Variants in SH3D19 observed in about 807,000 individuals in gnomAD.
SH3D19 encodes SH3 domain containing 19.
SH3D19 carries 58 observed loss-of-function variants against 112.1 expected under a neutral mutation model. The ratio of observed to expected loss-of-function variants is 0.52; its 90% CI spans 0.42 to 0.64. The LOEUF is 0.64. Among genes scored for constraint, SH3D19 ranks in the 30% least tolerant of loss-of-function variants. SH3D19 has a pLI of 0.00. For synonymous variants in SH3D19, 391 were observed against 448.5 expected, an observed-to-expected ratio of 0.87 and a Z score of 1.62; for missense variants, 1,090 against 1,263.4, an observed-to-expected ratio of 0.86 and a Z score of 2.08.
At chr4:151,135,662 C>G (rs1751682272) in intron 14 of SH3D19, among the ~76,000 whole-genome samples, 1 of 152,046 alleles carries the variant, frequency 6.6e-6, no homozygotes, top group Admixed American at 6.6e-5. Flanking sequence ...CTCTTGGACT[C>G]AAGCAATCTG....
At chr4:151,164,793 T>C (rs959199575) in intron 8 of SH3D19, among the ~76,000 whole-genome samples, 1 of 152,172 alleles carries the variant, frequency 6.6e-6, no homozygotes, top group African/African-American at 2.4e-5. Context: ...TTGGCCAGGA[T>C]AGTCCTGATC....
intron 2 of SH3D19, among the ~76,000 whole-genome samples, chr4:151,210,707 TA>T (rs1163349910): frequency 1.3e-5 from 2 of 152,104 alleles, no homozygotes; most frequent in Non-Finnish European, 2.9e-5. Flanking sequence ...GGCCCCCCAG[TA>T]TTTTTTTTAA....
At chr4:151,132,522 A>T in intron 16 of SH3D19, 139 bp from the exon 17 acceptor site, 1 of 691,536 alleles carries the variant, frequency 1.4e-6, no homozygotes, top group Non-Finnish European at 2.5e-6. Context: ...TGTATTGTCT[A>T]TGTTGCGTTA....
intron 1 of SH3D19, among the ~76,000 whole-genome samples, chr4:151,299,790 CTGAGT>C (rs759739268): frequency 1.3e-4 from 20 of 152,200 alleles, no homozygotes; most frequent in African/African-American, 2.9e-4. Context: ...CCAGAGGCTG[CTGAGT>C]TAAGTGTCAT....
intron 14 of SH3D19, among the ~76,000 whole-genome samples, chr4:151,135,946 G>C (rs185478422): frequency 6.6e-6 from 1 of 152,158 alleles, no homozygotes; most frequent in East Asian, 1.9e-4. Context: ...TCAGGAGTTC[G>C]AGACTAGTCC....
rs56850648 is a variant in SH3D19, at chr4:151,286,184, G to GAAAAAAAAAAAA, written c.112+39045_112+39056dup. Among the ~76,000 whole-genome samples, 10 of 86,614 alleles carry GAAAAAAAAAAAA rather than the reference G, an allele frequency of 1.2e-4. 1 individual carries two copies. Among genetic ancestry groups the GAAAAAAAAAAAA allele is most frequent in the Admixed American group, 5.3e-4 (3 of 5,638 alleles). The allele number at this position is 86,614 out of a possible 152,430, so 56.8% of individuals were successfully genotyped here. A position where few individuals can be genotyped will look rare whatever the true frequency, so the allele number is the denominator to read the frequency against. ...TGACACAGTGAGACCCTGTCTTAAA[G>GAAAAAAAAAAAA]AAAAAAAAAAAAAAAAAAAACAACT... On this transcript the variant is annotated intron_variant, in intron 1 of 19. Transcript: ENST00000604030.
At position 151,147,935 on chromosome 4, in the gene SH3D19, T is replaced by C. The variant is rs1173064091; in HGVS notation, c.2069A>G (p.Tyr690Cys). ...AGCTAAATTTACCATGTATTTACTGTAGAGAGGGTGTCCTGGTTTGGGACG... is the reference window on the plus strand; with the variant it reads ...AGCTAAATTTACCATGTATTTACTGCAGAGAGGGTGTCCTGGTTTGGGACG... Reference protein sequence around the residue: ...PPRPKPGHPLYSKYMRGDVLV... With the variant: ...PPRPKPGHPLCSKYMRGDVLV... The change falls in exon 11 of 20, where the codon TAC becomes TGC. Residue 690 changes from tyrosine (Y) to cysteine (C), a missense_variant. Physicochemically the swap from Tyr to Cys is radical, Grantham distance 194 (BLOSUM62 -2). Coordinates refer to ENST00000604030, the MANE Select transcript of SH3D19 (RefSeq NM_001378122.1). 2 of 1,611,274 alleles carry C rather than the reference T, an allele frequency of 1.2e-6. No homozygotes were observed. The highest frequency in any genetic ancestry group is 1.7e-6 in the Non-Finnish European group (2 of 1,178,992).
At position 151,133,030 on chromosome 4, in the gene SH3D19, T is replaced by C. The variant is rs1751058846; in HGVS notation, c.2689+4A>G. On this transcript the variant is annotated splice_donor_region_variant and intron_variant, in intron 16 of 19. Transcript: ENST00000604030. ...ACATAATAAAAAAAATTCTCTATACTCACTTAAAACATTTGCACCAGAGGT... is the reference window on the plus strand; with the variant it reads ...ACATAATAAAAAAAATTCTCTATACCCACTTAAAACATTTGCACCAGAGGT... 1 of 1,612,426 alleles carries C rather than the reference T, an allele frequency of 6.2e-7. No homozygotes were observed. The highest frequency in any genetic ancestry group is 8.5e-7 in the Non-Finnish European group (1 of 1,179,238).
rs917211043 is a variant in SH3D19, at chr4:151,325,333, C to T, written c.20G>A (p.Arg7Gln). The stretch of plus-strand genomic sequence containing the variant: ...GCGTAGCTCTTCCTCCTCGTCCTCC[C>T]GCCGCCGGCCCTCAGCCATGGGCGA... MAEGRR[R>Q]EDEEEELRER... is the part of the protein sequence containing the mutation. The change falls in exon 1 of 20, where the codon CGG becomes CAG. Residue 7 changes from arginine to glutamine, a missense_variant. Arg to Gln is a conservative substitution (Grantham distance 43). Transcript: ENST00000604030. 59 of 1,215,508 alleles carry T rather than the reference C, an allele frequency of 4.9e-5. No homozygotes were observed. Among genetic ancestry groups the T allele is most frequent in the Non-Finnish European group, 5.9e-5 (58 of 977,438 alleles). 75.3% of individuals were successfully genotyped at this position (1,215,508 alleles called of 1,614,324 possible). A position where few individuals can be genotyped will look rare whatever the true frequency, so the allele number is the denominator to read the frequency against.
intron 13 of SH3D19, among the ~76,000 whole-genome samples, chr4:151,138,155 G>A (rs1222776670): frequency 2.0e-5 from 3 of 152,002 alleles, no homozygotes; most frequent in Admixed American, 6.6e-5. Flanking sequence ...ATATAAAGCC[G>A]TGCTGAATAC....
chr4:151,283,597 A>C (rs369776298), intron 1 of SH3D19, among the ~76,000 whole-genome samples: 1 of 149,334 alleles, frequency 6.7e-6, no homozygotes, highest in South Asian at 2.1e-4. Context: ...AGCTTACTAC[A>C]GCCTCCAGCT....
At chr4:151,225,915 A>T (rs2149948397) in intron 2 of SH3D19, 132 bp downstream of exon 2, 1 of 515,360 alleles carries the variant, frequency 1.9e-6, no homozygotes, top group Middle Eastern at 5.5e-4. Flanking sequence ...GATTTCCCTT[A>T]TGAAGCTTCT....
intron 1 of SH3D19, among the ~76,000 whole-genome samples, chr4:151,299,710 A>G (rs1728163392): frequency 6.6e-6 from 1 of 152,094 alleles, no homozygotes. Context: ...GAGGGCTAAT[A>G]TGAAAGACCT....
chr4:151,127,653 A>G lies in SH3D19; in HGVS notation c.2992T>C (p.Phe998Leu). Residue 998 changes from phenylalanine (F) to leucine (L), a missense_variant, in exon 19 of 20, where the codon TTC becomes CTC. Phe to Leu is a conservative substitution (Grantham distance 22). Transcript: ENST00000604030. ...KGRKAKALYD[F>L]RGENEDELSF... ...AGTTCATCTTCATTCTCCCCTCGGA[A>G]ATCATATAAGGCTTTGGCCTTCCTC... 6.2e-7 allele frequency: 1 copy of G among 1,606,880 alleles called. No individual in the cohort carries two copies. The highest frequency in any genetic ancestry group is 8.5e-7 in the Non-Finnish European group (1 of 1,177,556).
chr4:151,175,578 G>T lies in SH3D19; in HGVS notation c.626C>A (p.Ser209Tyr). ...GTTTTCTGGACAATTCGGTTCTTCA[G>T]AAATATCAAAGACGATTAAAGGTGC... ...NVAPLIVFDI[S>Y]EEPNCPENPS... Residue 209 changes from serine to tyrosine, a missense_variant, in exon 7 of 20, where the codon TCT becomes TAT. By Grantham distance (144) the Ser-to-Tyr change is moderately radical. Transcript: ENST00000604030. The T allele has an allele frequency of 7.4e-7, 1 of 1,343,904 alleles. No homozygotes were observed. 83.2% of individuals were successfully genotyped at this position (1,343,904 alleles called of 1,614,324 possible).
intron 1 of SH3D19, among the ~76,000 whole-genome samples, chr4:151,260,667 A>C (rs1772308057): frequency 6.6e-6 from 1 of 152,158 alleles, no homozygotes; most frequent in Non-Finnish European, 1.5e-5. Context: ...TTGCCCAGGC[A>C]CCTATAATAA....
rs67090009 is a variant in SH3D19, at chr4:151,180,929, A to ATTT, written c.194-1535_194-1533dup. Among the ~76,000 whole-genome samples, 1,250 of 131,978 alleles carry ATTT rather than the reference A, an allele frequency of 9.5e-3. 74 individuals are homozygous for ATTT. Among genetic ancestry groups the ATTT allele is most frequent in the East Asian group, 0.02 (90 of 4,500 alleles). The allele number at this position is 131,978 out of a possible 152,430, so 86.6% of individuals were successfully genotyped here. A position where few individuals can be genotyped will look rare whatever the true frequency, so the allele number is the denominator to read the frequency against. On this transcript the variant is annotated intron_variant, in intron 3 of 19. Coordinates refer to ENST00000604030, the MANE Select transcript of SH3D19 (RefSeq NM_001378122.1). The stretch of plus-strand genomic sequence containing the variant: ...CAGGTGCCTGCCACCATGCCCGGCT[A>ATTT]TTTTTTTTTTTTTTTTTGTATTTTT...
At chr4:151,324,742 T>C (rs527257411) in intron 1 of SH3D19, among the ~76,000 whole-genome samples, 1 of 125,348 alleles carries the variant, frequency 8.0e-6, no homozygotes, top group Non-Finnish European at 1.6e-5. Flanking sequence ...CGAAAACAAG[T>C]CCTACAGAAA....
intron 11 of SH3D19, among the ~76,000 whole-genome samples, chr4:151,147,681 CA>C (rs1427933674): frequency 6.6e-6 from 1 of 152,182 alleles, no homozygotes; most frequent in East Asian, 1.9e-4. Context: ...CAGCTGGTCT[CA>C]AACTTTTGGC....
Sources: gnomAD v4.1 joint callset for allele counts (sites outside exome capture counted in the v4.1 genomes callset) on GRCh38, gnomAD v4.1.1 for gene constraint, MANE v1.5 for transcripts, NCBI Gene and HGNC (gene_info 2026-07-23, HGNC 2026-07-21) for gene names.